The following MAX variants were observed in gnomAD, a reference collection of about 807,000 sequenced individuals.
MAX encodes the protein protein max.
MAX carries 3 observed loss-of-function variants against 22.3 expected under a neutral mutation model. The ratio of observed to expected loss-of-function variants is 0.13; its 90% CI spans 0.06 to 0.35. MAX has a LOEUF of 0.35. Among genes scored for constraint, MAX ranks in the 10% least tolerant of loss-of-function variants. MAX has a pLI of 1.00. For synonymous variants in MAX, 72 were observed against 77.7 expected, an observed-to-expected ratio of 0.93 and a Z score of 0.39; for missense variants, 119 against 209.4, an observed-to-expected ratio of 0.57 and a Z score of 2.66.
At chr14:65,060,439 A>ATTACCCAGGCGTGGTGGCTCACACCTG (rs1436999115) in intron 3 of MAX, among the ~76,000 whole-genome samples, 3,252 of 134,558 alleles carry the variant, frequency 0.024, 839 homozygotes, top group African/African-American at 0.08. Flanking sequence ...AAATACAAAA[A>ATTACCCAGGCGTGGTGGCTCACACCTG]TAATCCCAGC....
chr14:65,052,144 T>C (rs1566576307), intron 3 of MAX, among the ~76,000 whole-genome samples: 2 of 152,194 alleles, frequency 1.3e-5, no homozygotes. Flanking sequence ...TTAGCTCAGT[T>C]CTTTTTATGA....
rs770990618 is a variant in MAX, at chr14:65,009,592, CT to C, written c.172-3309del. On this transcript the variant is annotated intron_variant, in intron 3 of 3. Coordinates refer to the MAX transcript ENST00000341653. The surrounding 1 kb of genome is among the most constrained non-coding windows in gnomAD (Gnocchi z 4.2). ...CTTCCTTATTCCAGGCTCACCTCTC[CT>C]ACTATACCCTCATCCCAGCCCTCCT... 1.4e-3 allele frequency among the ~76,000 whole-genome samples: 220 copies of C among 152,232 alleles called. No individual in the cohort carries two copies. The highest frequency in any genetic ancestry group is 2.3e-3 in the Non-Finnish European group (157 of 68,008).
Position 65,030,465 on chromosome 14 carries a change from G to C in MAX, c.172-24181C>G, listed in dbSNP as rs1427733906. 1.3e-5 allele frequency among the ~76,000 whole-genome samples: 2 copies of C among 152,158 alleles called. No individual in the cohort carries two copies. The highest frequency in any genetic ancestry group is 4.8e-5 in the African/African-American group (2 of 41,444). ...GTAAGATGGAAACCAGGGCCGAGCG[G>C]CAGTGGCTCATGTCTGTAATCTCAA... On this transcript the variant is annotated intron_variant, in intron 3 of 3. Coordinates refer to the MAX transcript ENST00000341653. The surrounding 1 kb of genome is among the most constrained non-coding windows in gnomAD (Gnocchi z 4.5).
chr14:65,101,526 A>C lies in MAX; in HGVS notation c.63+20T>G. 2 of 1,604,086 alleles carry C rather than the reference A, an allele frequency of 1.2e-6. No individual in the cohort carries two copies. Among genetic ancestry groups the C allele is most frequent in the Non-Finnish European group, 8.5e-7 (1 of 1,171,732 alleles). The stretch of plus-strand genomic sequence containing the variant: ...AGAACTGAACGGAAATAAAAATGAA[A>C]TGGAGAGTAGGAGACGTACCGCAGA... On this transcript the variant is annotated intron_variant, in intron 2 of 4. Coordinates refer to ENST00000358664, the MANE Select transcript of MAX (RefSeq NM_002382.5).
chr14:65,051,326 T>C (rs1363871064), intron 3 of MAX, among the ~76,000 whole-genome samples: 1 of 152,222 alleles, frequency 6.6e-6, no homozygotes, highest in Non-Finnish European at 1.5e-5. Context: ...TTCAACAATT[T>C]AGGCTGGGTG....
intron 3 of MAX, among the ~76,000 whole-genome samples, chr14:65,089,035 T>C (rs576849203): frequency 1.3e-5 from 2 of 152,344 alleles, no homozygotes; most frequent in South Asian, 2.1e-4. Context: ...TCATTATTGT[T>C]AATTGTTAGA....
At position 65,076,556 on chromosome 14, in the gene MAX, C is replaced by T. The variant is rs201312694; in HGVS notation, c.403G>A (p.Asp135Asn). The T allele has an allele frequency of 6.2e-6, 10 of 1,614,098 alleles. No individual in the cohort carries two copies. The highest frequency in any genetic ancestry group is 1.1e-5 in the South Asian group (1 of 91,070). ...NAKGSTISAF[D>N]GGSDSSSESE... The stretch of plus-strand genomic sequence containing the variant: ...TCCGAGCTGGAGTCCGAGCCCCCAT[C>T]GAAGGCAGAGATGGTGCTGCCCTTG... The change falls in exon 5 of 5, where the codon GAT becomes AAT. Residue 135 changes from aspartate (D) to asparagine (N), a missense_variant. Physicochemically the swap from Asp to Asn is conservative, Grantham distance 23 (BLOSUM62 1). This residue lies in a region of MAX where 95 missense variants were observed against 148.1 expected (regional missense o/e 0.64). Transcript: ENST00000358664. This position sits in a 1 kb window ranked among gnomAD's most constrained non-coding sequence, Gnocchi z 6.6.
intron 3 of MAX, chr14:65,061,329 C>A: frequency 6.2e-7 from 1 of 1,613,052 alleles, no homozygotes; most frequent in Non-Finnish European, 8.5e-7. Flanking sequence ...TGGGTCCCGG[C>A]AGCTCTTTGC....
chr14:65,054,644 A>C lies in MAX; in HGVS notation c.171+39064T>G, dbSNP rs780385505. ...CCATAGCCCAGCACTTCGGCAGCGG[A>C]GCCATGTTGCATGATGTGGTCCTGG... On this transcript the variant is annotated intron_variant, in intron 3 of 3. Coordinates refer to the MAX transcript ENST00000341653. The surrounding 1 kb of genome is among the most constrained non-coding windows in gnomAD (Gnocchi z 4.4). 1 of 1,613,502 alleles carries C rather than the reference A, an allele frequency of 6.2e-7. No individual in the cohort carries two copies. The highest frequency in any genetic ancestry group is 1.3e-5 in the African/African-American group (1 of 74,890).
chr14:65,090,125 G>T (rs976527461), intron 3 of MAX: 2 of 152,048 alleles, frequency 1.3e-5, no homozygotes, highest in African/African-American at 4.8e-5. Context: ...ACCTACATAC[G>T]CCACCTCAGA....
chr14:65,032,844 T>TA lies in MAX; in HGVS notation c.172-26561dup. The TA allele has an allele frequency of 1.6e-6, 1 of 642,084 alleles. No homozygotes were observed. The highest frequency in any genetic ancestry group is 3.3e-5 in the South Asian group (1 of 30,482). 39.8% of individuals were successfully genotyped at this position (642,084 alleles called of 1,614,324 possible). A position where few individuals can be genotyped will look rare whatever the true frequency, so the allele number is the denominator to read the frequency against. On this transcript the variant is annotated intron_variant, in intron 3 of 3. Coordinates refer to the MAX transcript ENST00000341653. The surrounding 1 kb of genome is among the most constrained non-coding windows in gnomAD (Gnocchi z 5.0). ...AGGGTTATCTAATGATTTTTTTAAATACTTAAAATGTCTTCTTTTTTCCAA... is the reference window on the plus strand; with the variant it reads ...AGGGTTATCTAATGATTTTTTTAAATAACTTAAAATGTCTTCTTTTTTCCAA...
chr14:65,045,716 C>T (rs2062463040), intron 3 of MAX, among the ~76,000 whole-genome samples: 1 of 152,020 alleles, frequency 6.6e-6, no homozygotes, highest in African/African-American at 2.4e-5. Flanking sequence ...GCACCCGGCC[C>T]TGAGCCTCAT....
At chr14:65,092,370 C>A (rs2063533180) in intron 3 of MAX, among the ~76,000 whole-genome samples, 1 of 152,116 alleles carries the variant, frequency 6.6e-6, no homozygotes, top group Non-Finnish European at 1.5e-5. Context: ...TTTACCAAAG[C>A]AATTTTAATT....
rs1197245972 is a variant in MAX at position 65,077,135 on chromosome 14, G to A, written c.296-472C>T. 3 of 602,634 alleles carry A rather than the reference G, an allele frequency of 5.0e-6. No homozygotes were observed. The highest frequency in any genetic ancestry group is 8.8e-6 in the Non-Finnish European group (3 of 342,082). The allele number at this position is 602,634 out of a possible 1,614,324, so 37.3% of individuals were successfully genotyped here. On this transcript the variant is annotated intron_variant, in intron 4 of 4. Coordinates refer to ENST00000358664, the MANE Select transcript of MAX (RefSeq NM_002382.5). The surrounding 1 kb of genome is among the most constrained non-coding windows in gnomAD (Gnocchi z 6.3). ...AAGATCCACTTGGAATGACAAGCTGGACACTTGGAAGCAAGTCACCAATAC... is the reference window on the plus strand; with the variant it reads ...AAGATCCACTTGGAATGACAAGCTGAACACTTGGAAGCAAGTCACCAATAC...
chr14:65,067,210 AAAT>A (rs1292655348), intron 3 of MAX, among the ~76,000 whole-genome samples: 1 of 152,098 alleles, frequency 6.6e-6, no homozygotes, highest in African/African-American at 2.4e-5. Context: ...GCATTTTAAA[AAAT>A]AAACATTTTG....
At chr14:65,099,207 A>T (rs1334951689) in intron 2 of MAX, among the ~76,000 whole-genome samples, 1 of 152,160 alleles carries the variant, frequency 6.6e-6, no homozygotes, top group African/African-American at 2.4e-5. Context: ...TATACTATAA[A>T]ATTTGTTTAT....
intron 3 of MAX, among the ~76,000 whole-genome samples, chr14:65,025,196 A>G (rs1293810721): frequency 6.6e-6 from 1 of 152,172 alleles, no homozygotes; most frequent in East Asian, 1.9e-4. Context: ...GATGGTATCA[A>G]GGTGTGTCTG....
chr14:65,037,924 C>T (rs1032320811), intron 3 of MAX, among the ~76,000 whole-genome samples: 2 of 151,582 alleles, frequency 1.3e-5, no homozygotes, highest in South Asian at 2.1e-4. Flanking sequence ...GGATTATAGG[C>T]GTGCGCCACG....
At chr14:65,080,647 C>G (rs763957535) in intron 3 of MAX, among the ~76,000 whole-genome samples, 58 of 152,200 alleles carry the variant, frequency 3.8e-4, no homozygotes, top group Non-Finnish European at 7.8e-4. Flanking sequence ...ATCTAGCCCT[C>G]CAAAGTCTAC....
Sources: gnomAD v4.1 joint callset for allele counts (sites outside exome capture counted in the v4.1 genomes callset) on GRCh38, gnomAD v4.1.1 for gene constraint, gnomAD v4.1.1 regional missense constraint, Gnocchi (gnomAD v3.1) non-coding constraint, MANE v1.5 for transcripts, NCBI Gene and HGNC (gene_info 2026-07-23, HGNC 2026-07-21) for gene names.